KSR2: variants seen among roughly 807,000 people sequenced by gnomAD.
KSR2 encodes kinase suppressor of ras 2.
KSR2 carries 25 observed loss-of-function variants against 107.8 expected under a neutral mutation model. The observed-to-expected ratio is 0.23, with a 90% CI of 0.17 to 0.32. KSR2 has a LOEUF of 0.32. KSR2 is among the 10% of genes least tolerant of loss of function. KSR2 has a pLI of 1.00. For missense variants in KSR2, 887 were observed against 1,268.9 expected (o/e 0.70, Z 4.57); for synonymous variants, 480 against 507.0 (o/e 0.95, Z 0.71).
intron 5 of KSR2, among the ~76,000 whole-genome samples, chr12:117,651,720 G>T: frequency 6.6e-6 from 1 of 152,218 alleles, no homozygotes; most frequent in East Asian, 1.9e-4. Context: ...AGATTGGGAT[G>T]GTGGAGTAGA....
At chr12:117,793,118 A>ACAC (rs35714783) in intron 3 of KSR2, among the ~76,000 whole-genome samples, 78,438 of 144,330 alleles carry the variant, frequency 0.54, 22,164 homozygotes, top group East Asian at 0.76. Context: ...ACGTGCACAC[A>ACAC]AACATGCACA....
chr12:117,771,665 C>T (rs1889454470), intron 3 of KSR2, among the ~76,000 whole-genome samples: 1 of 152,116 alleles, frequency 6.6e-6, no homozygotes, highest in Non-Finnish European at 1.5e-5. Flanking sequence ...TGCTGTTATC[C>T]CCATCCTACT....
At chr12:117,598,770 T>C (rs1383540660) in intron 5 of KSR2, among the ~76,000 whole-genome samples, 1 of 152,106 alleles carries the variant, frequency 6.6e-6, no homozygotes, top group African/African-American at 2.4e-5. Context: ...AGTATATTCA[T>C]GCCCTTTGCA....
intron 1 of KSR2, among the ~76,000 whole-genome samples, chr12:117,959,057 T>A (rs959643724): frequency 1.3e-5 from 2 of 152,336 alleles, no homozygotes; most frequent in African/African-American, 4.8e-5. Context: ...TACCTGGATT[T>A]GATTATTATA....
In KSR2 at chr12:117,495,681, G is replaced by A. The variant is rs111863277; in HGVS notation, c.2220-9990C>T. On this transcript the variant is annotated intron_variant, in intron 14 of 19. Coordinates refer to ENST00000339824, the MANE Select transcript of KSR2 (RefSeq NM_173598.6). ...TGATATTGCTGCAAAGCTCAGAAGT[G>A]GGGAGGGAAAAAGGAAGCGTAGACT... Among the ~76,000 whole-genome samples, 284 of 152,276 alleles carry A rather than the reference G, an allele frequency of 1.9e-3. 3 individuals carry two copies. Among genetic ancestry groups the A allele is most frequent in the African/African-American group, 6.5e-3 (272 of 41,576 alleles).
chr12:117,804,741 G>C (rs1316690826), intron 3 of KSR2, among the ~76,000 whole-genome samples: 2 of 152,014 alleles, frequency 1.3e-5, no homozygotes, highest in African/African-American at 4.8e-5. Flanking sequence ...AATATCTTAG[G>C]TCTTTCAATG....
chr12:117,706,038 T>A (rs1173254760), intron 4 of KSR2, among the ~76,000 whole-genome samples: 2 of 146,478 alleles, frequency 1.4e-5, no homozygotes, highest in Non-Finnish European at 3.0e-5. Flanking sequence ...TGTTGTTGGG[T>A]CTTTTTTTTT....
chr12:117,548,521 T>A (rs1032328923), intron 9 of KSR2, among the ~76,000 whole-genome samples: 22 of 152,166 alleles, frequency 1.4e-4, no homozygotes, highest in African/African-American at 5.3e-4. Flanking sequence ...ACAAAATACA[T>A]GTTAATAAAC....
chr12:117,800,404 C>T (rs769873707), intron 3 of KSR2, among the ~76,000 whole-genome samples: 1 of 152,004 alleles, frequency 6.6e-6, no homozygotes, highest in Non-Finnish European at 1.5e-5. Context: ...CTAAAACGTC[C>T]AAGAGTCACA....
intron 1 of KSR2, among the ~76,000 whole-genome samples, chr12:117,946,945 A>T (rs1896196462): frequency 6.6e-6 from 1 of 151,912 alleles, no homozygotes; most frequent in South Asian, 2.1e-4. Context: ...CAGACGGATT[A>T]CTTGAGGCTA....
chr12:117,636,018 C>G (rs1022900339), intron 5 of KSR2, among the ~76,000 whole-genome samples: 2 of 152,182 alleles, frequency 1.3e-5, no homozygotes, highest in Non-Finnish European at 2.9e-5. Flanking sequence ...TCTTGAACTC[C>G]TGACCTCAGG....
At chr12:117,870,654 T>G (rs1319840362) in intron 1 of KSR2, among the ~76,000 whole-genome samples, 1 of 151,998 alleles carries the variant, frequency 6.6e-6, no homozygotes, top group Non-Finnish European at 1.5e-5. Flanking sequence ...CCCCATACAC[T>G]CATGTCCTAC....
chr12:117,557,982 G>A (rs1211539332), intron 8 of KSR2, among the ~76,000 whole-genome samples: 2 of 152,098 alleles, frequency 1.3e-5, no homozygotes, highest in African/African-American at 2.4e-5. Flanking sequence ...TCCTGGTAGC[G>A]GCTCTCCCAG....
chr12:117,861,015 G>A (rs946230363), intron 1 of KSR2, among the ~76,000 whole-genome samples: 16 of 152,004 alleles, frequency 1.1e-4, no homozygotes, highest in Admixed American at 4.6e-4. Context: ...CACTGCGCCC[G>A]GCCTGCACAC....
At chr12:117,701,534 A>C (rs1341313563) in intron 4 of KSR2, among the ~76,000 whole-genome samples, 1 of 152,210 alleles carries the variant, frequency 6.6e-6, no homozygotes, top group Non-Finnish European at 1.5e-5. Flanking sequence ...TCTCCAAAAA[A>C]GAAAAAAAAG....
rs770525097 is a variant in KSR2, at chr12:117,457,706, C to G, written c.*9493G>C. 6.6e-6 allele frequency: 1 copy of G among 152,168 alleles called. No individual in the cohort carries two copies. The highest frequency in any genetic ancestry group is 1.5e-5 in the Non-Finnish European group (1 of 68,060). The allele number at this position is 152,168 out of a possible 1,614,324, so 9.4% of individuals were successfully genotyped here. A position where few individuals can be genotyped will look rare whatever the true frequency, so the allele number is the denominator to read the frequency against. On this transcript the variant is annotated 3_prime_UTR_variant, in exon 20 of 20. Transcript: ENST00000339824. ...GGGATGTTTTTGGATGTCACCAGTA[C>G]CAGGTGCTACTGGTATCTTGTGGGG... is the stretch of plus-strand genomic sequence containing the variant.
intron 4 of KSR2, among the ~76,000 whole-genome samples, chr12:117,710,154 C>T (rs1381803366): frequency 2.0e-5 from 3 of 152,074 alleles, no homozygotes; most frequent in African/African-American, 7.2e-5. Flanking sequence ...AAATAGCGAG[C>T]CCCGACAGGT....
intron 3 of KSR2, among the ~76,000 whole-genome samples, chr12:117,845,490 T>G (rs1241084527): frequency 6.6e-6 from 1 of 152,176 alleles, no homozygotes; most frequent in Non-Finnish European, 1.5e-5. Context: ...CAGTGTGAAC[T>G]TGGTTAAGCG....
intron 1 of KSR2, among the ~76,000 whole-genome samples, chr12:117,866,594 C>A (rs1893477872): frequency 6.6e-6 from 1 of 152,144 alleles, no homozygotes; most frequent in South Asian, 2.1e-4. Flanking sequence ...CGCTGGGAGG[C>A]CGAGGCTGGT....
Sources: allele counts gnomAD v4.1 joint callset (sites outside exome capture counted in the v4.1 genomes callset), GRCh38; gene constraint gnomAD v4.1.1; transcripts MANE v1.5; gene names NCBI Gene and HGNC (gene_info 2026-07-23, HGNC 2026-07-21).